BMP2K: variants seen among roughly 807,000 people sequenced by gnomAD.
BMP2K encodes the protein BMP-2-inducible protein kinase.
A neutral mutation model predicts 116.0 loss-of-function variants in BMP2K; 74 were observed. The observed-to-expected ratio is 0.64, with a 90% CI of 0.53 to 0.77. The LOEUF is 0.77. BMP2K is among the 30% of genes least tolerant of loss of function. BMP2K has a pLI of 0.00. For synonymous variants in BMP2K, 486 were observed against 502.5 expected, an observed-to-expected ratio of 0.97 and a Z score of 0.44; for missense variants, 1,365 against 1,403.6, an observed-to-expected ratio of 0.97 and a Z score of 0.44.
In BMP2K at chr4:78,822,255, C is replaced by A. The variant is rs541668639; in HGVS notation, c.179-3782C>A. Among the ~76,000 whole-genome samples, 4 of 152,196 alleles carry A rather than the reference C, an allele frequency of 2.6e-5. No homozygotes were observed. The East Asian group carries it at 7.7e-4, about 29-fold the overall frequency. ...CTACTCTCTCATTTTAATCTGGTTA[C>A]CTTTTTTGTGTGTATGTGGAGACCA... On this transcript the variant is annotated intron_variant, in intron 1 of 15. Coordinates refer to ENST00000502613, the MANE Select transcript of BMP2K (RefSeq NM_198892.2).
In BMP2K at chr4:78,910,890, T is replaced by A. The variant is rs1734554915; in HGVS notation, c.2343T>A (p.Asn781Lys). The change falls in exon 16 of 16, where the codon AAT becomes AAA. Residue 781 changes from asparagine (N) to lysine (K), a missense_variant. Physicochemically the swap from Asn to Lys is moderately conservative, Grantham distance 94. This residue lies in a region of BMP2K where 596 missense variants were observed against 623.2 expected (regional missense o/e 0.96). Coordinates refer to ENST00000502613, the MANE Select transcript of BMP2K (RefSeq NM_198892.2). ...DFNDDDTEPE[N>K]LGHRPLLMDS... Reference sequence around the variant, plus strand: ...ATGATGATGATACTGAACCAGAAAATCTGGGTCATAGGCCTCTCCTCATGG... The same window carrying A: ...ATGATGATGATACTGAACCAGAAAAACTGGGTCATAGGCCTCTCCTCATGG... 1.9e-6 allele frequency: 3 copies of A among 1,613,828 alleles called. No homozygotes were observed. The highest frequency in any genetic ancestry group is 2.5e-6 in the Non-Finnish European group (3 of 1,179,858).
At chr4:78,861,336 C>A in intron 8 of BMP2K, 53 bp from the exon 9 acceptor site, 1 of 1,430,346 alleles carries the variant, frequency 7.0e-7, no homozygotes, top group South Asian at 1.3e-5. Flanking sequence ...CAAAAACTTT[C>A]TGCAATTAAA....
At chr4:78,887,747 CT>C in intron 15 of BMP2K, among the ~76,000 whole-genome samples, 1 of 152,202 alleles carries the variant, frequency 6.6e-6, no homozygotes, top group East Asian at 1.9e-4. Context: ...ATGTTTTTCA[CT>C]GTTAAAAATT....
intron 1 of BMP2K, chr4:78,820,738 A>C (rs1032011972): frequency 2.6e-5 from 4 of 152,152 alleles, no homozygotes; most frequent in Non-Finnish European, 4.4e-5. Context: ...CACCCAGTTA[A>C]TTTTTGTATT....
rs536242255 is a variant in BMP2K at position 78,860,484 on chromosome 4, G to A, written c.987+797G>A. 1.0e-3 allele frequency among the ~76,000 whole-genome samples: 153 copies of A among 151,970 alleles called. 1 individual carries two copies. The highest frequency in any genetic ancestry group is 3.6e-3 in the African/African-American group (150 of 41,522). On this transcript the variant is annotated intron_variant, in intron 8 of 15. Coordinates refer to ENST00000502613, the MANE Select transcript of BMP2K (RefSeq NM_198892.2). ...AGGATAGTAATTATAAGGATTACAT[G>A]TGAAACCCAGTGCCTAGTCCATGGA...
chr4:78,835,051 C>T (rs1255993825), intron 3 of BMP2K, among the ~76,000 whole-genome samples: 1 of 152,074 alleles, frequency 6.6e-6, no homozygotes, highest in Admixed American at 6.6e-5. Context: ...CCCTTGACTA[C>T]TTGTAACTTT....
intron 4 of BMP2K, among the ~76,000 whole-genome samples, chr4:78,843,006 G>A (rs1730833687): frequency 6.6e-6 from 1 of 151,792 alleles, no homozygotes; most frequent in Admixed American, 6.6e-5. Flanking sequence ...TAATTTGGTG[G>A]TAGTTATCTT....
At chr4:78,817,618 C>T (rs991672209) in intron 1 of BMP2K, among the ~76,000 whole-genome samples, 2 of 152,120 alleles carry the variant, frequency 1.3e-5, no homozygotes, top group African/African-American at 4.8e-5. Context: ...ACCTTGTATT[C>T]AGTGCTTTTA....
At chr4:78,883,337 C>T (rs1346374962) in intron 14 of BMP2K, among the ~76,000 whole-genome samples, 1 of 152,058 alleles carries the variant, frequency 6.6e-6, no homozygotes, top group Non-Finnish European at 1.5e-5. Context: ...TTAATAATTA[C>T]AAAATTAATG....
intron 1 of BMP2K, among the ~76,000 whole-genome samples, chr4:78,783,891 T>C (rs996083857): frequency 6.6e-6 from 1 of 152,192 alleles, no homozygotes; most frequent in Admixed American, 6.6e-5. Context: ...GCTTTTAGGC[T>C]GTAGTCAACT....
rs1354534350 is a variant in BMP2K, at chr4:78,790,628, A to T, written c.178+13907A>T. Among the ~76,000 whole-genome samples, 6 of 152,174 alleles carry T rather than the reference A, an allele frequency of 3.9e-5. No individual in the cohort carries two copies. In the East Asian group the frequency reaches 9.6e-4, roughly 24 times the overall value. ...AATAAACTCAGTACAAAAAAAGATA[A>T]TTTTTCTAATATTTTTCAAACTATG... On this transcript the variant is annotated intron_variant, in intron 1 of 15. Transcript: ENST00000502613.
At chr4:78,909,642 A>G (rs1411267395) in intron 15 of BMP2K, among the ~76,000 whole-genome samples, 1 of 152,040 alleles carries the variant, frequency 6.6e-6, no homozygotes, top group Non-Finnish European at 1.5e-5. Context: ...TATCCTTTGC[A>G]TGGCTGGGCT....
intron 1 of BMP2K, among the ~76,000 whole-genome samples, chr4:78,808,250 T>A (rs925680646): frequency 6.6e-6 from 1 of 151,340 alleles, no homozygotes; most frequent in African/African-American, 2.4e-5. Flanking sequence ...CATTATTGAT[T>A]TGAGATCTTG....
intron 15 of BMP2K, among the ~76,000 whole-genome samples, chr4:78,891,171 T>C (rs1733417329): frequency 6.6e-6 from 1 of 152,208 alleles, no homozygotes; most frequent in South Asian, 2.1e-4. Flanking sequence ...AGGCACTGCT[T>C]CATAGTATTT....
intron 15 of BMP2K, 37 bp from the exon 16 acceptor site, chr4:78,910,573 A>G (rs1203845238): frequency 1.4e-6 from 2 of 1,426,810 alleles, no homozygotes; most frequent in African/African-American, 1.4e-5. Flanking sequence ...TCTGAAATGC[A>G]TTGGAATGCT....
intron 7 of BMP2K, chr4:78,859,324 T>C (rs1294411429): frequency 1.1e-5 from 3 of 279,254 alleles, no homozygotes; most frequent in Admixed American, 1.0e-4. Context: ...GTGTCACTTT[T>C]TCAATAGAAT....
At chr4:78,847,461 A>C (rs1731064059) in intron 6 of BMP2K, among the ~76,000 whole-genome samples, 192 bp downstream of exon 6, 1 of 151,716 alleles carries the variant, frequency 6.6e-6, no homozygotes, top group South Asian at 2.1e-4. Flanking sequence ...TGGAAAGCTT[A>C]TGTATCAAAA....
intron 9 of BMP2K, among the ~76,000 whole-genome samples, chr4:78,862,008 T>A (rs1731821200): frequency 6.6e-6 from 1 of 151,948 alleles, no homozygotes; most frequent in African/African-American, 2.4e-5. Flanking sequence ...CTGAATCTGT[T>A]AATGATTGAT....
intron 15 of BMP2K, among the ~76,000 whole-genome samples, chr4:78,908,717 C>G (rs1028944882): frequency 5.3e-5 from 8 of 152,070 alleles, no homozygotes; most frequent in African/African-American, 1.7e-4. Flanking sequence ...TTTAGTACTC[C>G]TCTTCACTTT....
Sources: allele counts gnomAD v4.1 joint callset (sites outside exome capture counted in the v4.1 genomes callset), GRCh38; gene constraint gnomAD v4.1.1; regional missense constraint gnomAD v4.1.1; transcripts MANE v1.5; gene names NCBI Gene and HGNC (gene_info 2026-07-23, HGNC 2026-07-21).